ITGA9: variants seen among roughly 807,000 people sequenced by gnomAD.
ITGA9 encodes integrin subunit alpha 9.
A neutral mutation model predicts 127.8 loss-of-function variants in ITGA9; 56 were observed. The observed-to-expected ratio is 0.44, with a 90% CI of 0.35 to 0.55. The LOEUF is 0.55. ITGA9 is among the 20% of genes least tolerant of loss of function. The pLI is 0.00. For missense variants in ITGA9, 1,196 were observed against 1,347.1 expected (o/e 0.89, Z 1.76); for synonymous variants, 508 against 514.5 (o/e 0.99, Z 0.17).
chr3:37,640,978 C>T lies in ITGA9; in HGVS notation c.1839+11642C>T, dbSNP rs534173692. On this transcript the variant is annotated intron_variant, in intron 16 of 27. Coordinates refer to ENST00000264741, the MANE Select transcript of ITGA9 (RefSeq NM_002207.3). ...TGGTGTTGTGAGGAGAGGATGAGGC[C>T]GTCATGGGAGCAGGTCTGACCTGGG... 3.9e-5 allele frequency among the ~76,000 whole-genome samples: 6 copies of T among 152,268 alleles called. No homozygotes were observed. The East Asian group carries it at 1.2e-3, about 29-fold the overall frequency.
chr3:37,683,886 T>C lies in ITGA9; in HGVS notation c.1938T>C (p.Tyr646=). ...ACAGTATGGATGAGAAAACCCTGTA[T>C]CTAGCTTTGGGGGCTGTGAAGAACA... ...LLSSMDEKTL[Y]LALGAVKNIS... The change falls in exon 18 of 28, where the codon TAT becomes TAC. Residue 646 remains tyrosine, a synonymous_variant. Coordinates refer to ENST00000264741, the MANE Select transcript of ITGA9 (RefSeq NM_002207.3). The C allele has an allele frequency of 6.2e-7, 1 of 1,614,112 alleles. No homozygotes were observed. Among genetic ancestry groups the C allele is most frequent in the Non-Finnish European group, 8.5e-7 (1 of 1,180,014 alleles).
intron 15 of ITGA9, among the ~76,000 whole-genome samples, chr3:37,572,035 G>C (rs754450983): frequency 1.3e-5 from 2 of 152,058 alleles, no homozygotes; most frequent in Non-Finnish European, 2.9e-5. Flanking sequence ...AGCCCGTTGA[G>C]TTTTGTCTCA....
intron 3 of ITGA9, among the ~76,000 whole-genome samples, chr3:37,474,778 G>A (rs920752140): frequency 1.3e-5 from 2 of 152,242 alleles, no homozygotes; most frequent in Non-Finnish European, 2.9e-5. Flanking sequence ...TGGGTCACAT[G>A]CTGCAAAGCT....
rs1213482760 is a variant in ITGA9, at chr3:37,705,956, G to GT, written c.2067+21942dup. Reference sequence around the variant, plus strand: ...TTCTAGTGGGGCCAGGCCCCATGTGGTATCTTCCTTTTCTGAAGTCATCCA... The same window carrying GT: ...TTCTAGTGGGGCCAGGCCCCATGTGGTTATCTTCCTTTTCTGAAGTCATCCA... On this transcript the variant is annotated intron_variant, in intron 18 of 27. Coordinates refer to ENST00000264741, the MANE Select transcript of ITGA9 (RefSeq NM_002207.3). 3.9e-5 allele frequency among the ~76,000 whole-genome samples: 6 copies of GT among 152,298 alleles called. No homozygotes were observed. The East Asian group carries it at 1.2e-3, about 29-fold the overall frequency.
In ITGA9 at chr3:37,506,005, G is replaced by A. The variant is rs372214519; in HGVS notation, c.748G>A (p.Ala250Thr). The A allele has an allele frequency of 3.6e-5, 57 of 1,603,902 alleles. No individual in the cohort carries two copies. Among genetic ancestry groups the A allele is most frequent in the Non-Finnish European group, 4.6e-5 (54 of 1,175,386 alleles). ...TTTCCGCCCATCCTGTTCAGGCTAC[G>A]CAGTGACCGCTGGCCACTTCTCTCA... ...MNRRYTYLGY[A>T]VTAGHFSHPS... is the part of the protein sequence containing the mutation. The change falls in exon 7 of 28, where the codon GCA (alanine) becomes ACA (threonine). Residue 250 changes from alanine to threonine, a missense_variant. Coordinates refer to ENST00000264741, the MANE Select transcript of ITGA9 (RefSeq NM_002207.3).
intron 5 of ITGA9, 86 bp from the exon 6 acceptor site, chr3:37,503,092 C>T: frequency 6.6e-7 from 1 of 1,514,558 alleles, no homozygotes; most frequent in South Asian, 1.2e-5. Context: ...GGAATTTCTC[C>T]TTTGTTGTGA....
At chr3:37,589,518 A>T (rs149231789) in intron 15 of ITGA9, among the ~76,000 whole-genome samples, 3 of 152,360 alleles carry the variant, frequency 2.0e-5, no homozygotes, top group African/African-American at 7.2e-5. Flanking sequence ...TGCTATGGAA[A>T]AAGGTGGATA....
At chr3:37,704,005 A>G (rs1368786417) in intron 18 of ITGA9, among the ~76,000 whole-genome samples, 1 of 152,144 alleles carries the variant, frequency 6.6e-6, no homozygotes, top group Admixed American at 6.5e-5. Context: ...GTTCAGGCAC[A>G]GGCAGGCTGA....
intron 17 of ITGA9, among the ~76,000 whole-genome samples, chr3:37,663,470 T>C (rs1700556811): frequency 6.6e-6 from 1 of 152,186 alleles, no homozygotes; most frequent in South Asian, 2.1e-4. Context: ...TTGATAGTGC[T>C]GTTACCATGG....
chr3:37,467,884 G>A (rs1698388173), intron 1 of ITGA9, among the ~76,000 whole-genome samples: 1 of 152,182 alleles, frequency 6.6e-6, no homozygotes, highest in Non-Finnish European at 1.5e-5. Context: ...AAAACAGCTG[G>A]TCTTATGAAG....
At chr3:37,620,301 G>C (rs528812989) in intron 15 of ITGA9, among the ~76,000 whole-genome samples, 1 of 152,106 alleles carries the variant, frequency 6.6e-6, no homozygotes, top group East Asian at 1.9e-4. Context: ...TGCATGTAGC[G>C]GCTAGGGCAC....
At chr3:37,664,455 G>A (rs1218331092) in intron 17 of ITGA9, among the ~76,000 whole-genome samples, 6 of 130,934 alleles carry the variant, frequency 4.6e-5, no homozygotes, top group Admixed American at 1.8e-4. Flanking sequence ...ACGGAGTTTC[G>A]CTCTTGTTGC....
At chr3:37,494,602 T>C in intron 5 of ITGA9, 34 bp downstream of exon 5, 2 of 1,561,394 alleles carry the variant, frequency 1.3e-6, no homozygotes, top group Non-Finnish European at 8.8e-7. Flanking sequence ...TTCTGTTCTC[T>C]TGTGGGTGTT....
chr3:37,509,213 C>T (rs1332586628), intron 8 of ITGA9, among the ~76,000 whole-genome samples: 1 of 152,218 alleles, frequency 6.6e-6, no homozygotes, highest in Non-Finnish European at 1.5e-5. Context: ...GGGTCCTCCC[C>T]ACCCTGTCCC....
rs1315619120 is a variant in ITGA9, at chr3:37,755,362, A to T, written c.2541+4793A>T. On this transcript the variant is annotated intron_variant, in intron 23 of 27. Transcript: ENST00000264741. ...CAGGCTCAGTCAATAGGACAGACAG[A>T]TGAGGAGTAGACCCCCAAGAATCAC... 2.0e-5 allele frequency among the ~76,000 whole-genome samples: 3 copies of T among 152,304 alleles called. No individual in the cohort carries two copies. In the East Asian group the frequency reaches 5.8e-4, roughly 29 times the overall value.
At chr3:37,473,512 A>G (rs1369688801) in intron 3 of ITGA9, 52 bp downstream of exon 3, 2 of 1,359,066 alleles carry the variant, frequency 1.5e-6, no homozygotes, top group South Asian at 2.4e-5. Context: ...CTGAGAATGA[A>G]TGATCTGTTA....
chr3:37,558,611 T>C (rs973856554), intron 15 of ITGA9, among the ~76,000 whole-genome samples: 1 of 152,148 alleles, frequency 6.6e-6, no homozygotes, highest in African/African-American at 2.4e-5. Flanking sequence ...AGTGTTCCGA[T>C]TTGGATGGCA....
intron 18 of ITGA9, among the ~76,000 whole-genome samples, chr3:37,690,446 C>T (rs9868016): frequency 0.077 from 11,781 of 152,200 alleles, 1,407 homozygotes; most frequent in African/African-American, 0.26. Flanking sequence ...TTGTTTTTAG[C>T]CCATTCTGGA....
chr3:37,557,667 A>G (rs1046103153), intron 15 of ITGA9, among the ~76,000 whole-genome samples: 1 of 152,212 alleles, frequency 6.6e-6, no homozygotes, highest in Non-Finnish European at 1.5e-5. Flanking sequence ...TGTAACAGTA[A>G]CAATAATAGC....
Sources: allele counts gnomAD v4.1 joint callset (sites outside exome capture counted in the v4.1 genomes callset), GRCh38; gene constraint gnomAD v4.1.1; transcripts MANE v1.5; gene names NCBI Gene and HGNC (gene_info 2026-07-23, HGNC 2026-07-21).